KCNH8: variants seen among roughly 807,000 people sequenced by gnomAD.
KCNH8 encodes potassium voltage-gated channel subfamily H member 8.
A neutral mutation model predicts 103.6 loss-of-function variants in KCNH8; 70 were observed. The observed-to-expected ratio is 0.68, with a 90% CI of 0.56 to 0.82. The LOEUF (loss-of-function observed/expected upper bound fraction) is 0.82. Ranked by LOEUF, KCNH8 falls within the 40% of genes least tolerant of loss-of-function variation. The probability of loss-of-function intolerance (pLI) is 0.00; values close to 1 mark genes in which losing one functional copy is unlikely to be tolerated. For synonymous variants in KCNH8, 498 were observed against 489.4 expected, an observed-to-expected ratio of 1.02 and a Z score of -0.23; for missense variants, 1,217 against 1,329.9, an observed-to-expected ratio of 0.92 and a Z score of 1.32.
chr3:19,404,493 C>T (rs1342919548), intron 7 of KCNH8, among the ~76,000 whole-genome samples: 3 of 151,900 alleles, frequency 2.0e-5, no homozygotes, highest in Admixed American at 6.6e-5. Flanking sequence ...GGATCTATGA[C>T]TTCAATCACT....
intron 1 of KCNH8, among the ~76,000 whole-genome samples, chr3:19,170,586 A>C (rs935627687): frequency 4.7e-4 from 60 of 128,920 alleles, no homozygotes; most frequent in African/African-American, 2.1e-3. Context: ...TGGGGCATCT[A>C]TATATATATA....
intron 3 of KCNH8, among the ~76,000 whole-genome samples, chr3:19,295,637 A>G (rs974337217): frequency 6.6e-6 from 1 of 152,146 alleles, no homozygotes; most frequent in Non-Finnish European, 1.5e-5. Flanking sequence ...AAAGGTCTAT[A>G]GGTAACTTTT....
chr3:19,394,996 G>T, intron 6 of KCNH8, 108 bp from the exon 7 acceptor site: 1 of 776,646 alleles, frequency 1.3e-6, no homozygotes, highest in Non-Finnish European at 2.2e-6. Context: ...ATAATAATAT[G>T]AAAATAATTA....
intron 5 of KCNH8, among the ~76,000 whole-genome samples, chr3:19,372,457 G>A (rs988582050): frequency 6.6e-6 from 1 of 150,946 alleles, no homozygotes; most frequent in Non-Finnish European, 1.5e-5. Flanking sequence ...TTTGTACATT[G>A]ATTTTGTATC....
intron 8 of KCNH8, among the ~76,000 whole-genome samples, chr3:19,442,173 A>G (rs1175660286): frequency 6.6e-6 from 1 of 152,186 alleles, no homozygotes; most frequent in African/African-American, 2.4e-5. Context: ...GAAGAGCTAC[A>G]ATGTGCCAGG....
chr3:19,396,104 A>T (rs934558640), intron 7 of KCNH8, among the ~76,000 whole-genome samples: 1 of 151,606 alleles, frequency 6.6e-6, no homozygotes, highest in African/African-American at 2.4e-5. Flanking sequence ...CTTATGTAGA[A>T]TTTTTTTTTA....
intron 8 of KCNH8, among the ~76,000 whole-genome samples, chr3:19,445,536 T>TG (rs540319356): frequency 9.9e-4 from 150 of 152,092 alleles, no homozygotes; most frequent in African/African-American, 3.4e-3. Context: ...CTAAAAATAA[T>TG]ATATCAAGCA....
At chr3:19,203,127 T>C (rs2063680515) in intron 1 of KCNH8, among the ~76,000 whole-genome samples, 1 of 152,136 alleles carries the variant, frequency 6.6e-6, no homozygotes, top group South Asian at 2.1e-4. Flanking sequence ...AATGGATCAT[T>C]ACAAAAGGAG....
At chr3:19,324,864 G>C (rs1167827203) in intron 3 of KCNH8, among the ~76,000 whole-genome samples, 1 of 152,026 alleles carries the variant, frequency 6.6e-6, no homozygotes. Context: ...AACCAAAAAA[G>C]GGCCCAAACA....
chr3:19,192,564 G>C (rs189104704), intron 1 of KCNH8, among the ~76,000 whole-genome samples: 1 of 151,722 alleles, frequency 6.6e-6, no homozygotes, highest in East Asian at 1.9e-4. Flanking sequence ...CATATTACCA[G>C]TGCTCTTTTG....
intron 3 of KCNH8, among the ~76,000 whole-genome samples, chr3:19,299,087 G>T (rs1030600861): frequency 6.6e-6 from 1 of 152,238 alleles, no homozygotes; most frequent in East Asian, 1.9e-4. Context: ...ACAACTGAAA[G>T]GTGACACTGA....
At chr3:19,504,448 A>G (rs1167980578) in intron 11 of KCNH8, among the ~76,000 whole-genome samples, 1 of 152,190 alleles carries the variant, frequency 6.6e-6, no homozygotes, top group Non-Finnish European at 1.5e-5. Context: ...AAGGTCTAAT[A>G]TTCAGCATCC....
rs1006610672 is a variant in KCNH8 at position 19,320,960 on chromosome 3, T to C, written c.443-21627T>C. Among the ~76,000 whole-genome samples, 4 of 152,082 alleles carry C rather than the reference T, an allele frequency of 2.6e-5. No individual in the cohort carries two copies. In the South Asian group the frequency reaches 8.3e-4, roughly 32 times the overall value. On this transcript the variant is annotated intron_variant, in intron 3 of 15. Transcript: ENST00000328405. ...TTCATCTCCTCCAGGTTTTCTAGTT[T>C]ATGCACGTAAAAAAGGTATTCATAG... is the stretch of plus-strand genomic sequence containing the variant.
At chr3:19,388,558 TATTA>T (rs1354696434) in intron 5 of KCNH8, among the ~76,000 whole-genome samples, 1 of 152,164 alleles carries the variant, frequency 6.6e-6, no homozygotes, top group Non-Finnish European at 1.5e-5. Context: ...GTGAGTGCTT[TATTA>T]ATTAGCTTCA....
intron 2 of KCNH8, among the ~76,000 whole-genome samples, chr3:19,278,036 C>G (rs2064699747): frequency 6.6e-6 from 1 of 152,116 alleles, no homozygotes; most frequent in South Asian, 2.1e-4. Context: ...TTGCTCTTGA[C>G]TGAAAGAGTT....
intron 3 of KCNH8, among the ~76,000 whole-genome samples, chr3:19,299,337 T>C (rs567195205): frequency 3.7e-4 from 55 of 150,192 alleles, no homozygotes; most frequent in Non-Finnish European, 7.1e-4. Flanking sequence ...CTCCTCAAAA[T>C]GTCCATTCTA....
In KCNH8 at chr3:19,253,768, G is replaced by A; in HGVS notation, c.191G>A (p.Ser64Asn). The change falls in exon 2 of 16, where the codon AGT becomes AAT. Residue 64 changes from serine (S) to asparagine (N), a missense_variant. Coordinates refer to ENST00000328405, the MANE Select transcript of KCNH8 (RefSeq NM_144633.3). ...GFARTEVMQK[S>N]CSCKFLFGVE... ...GCCCGAACTGAAGTCATGCAGAAGA[G>A]TTGTAGCTGCAAGTTCTTATTTGGG... 1 of 1,613,876 alleles carries A rather than the reference G, an allele frequency of 6.2e-7. No individual in the cohort carries two copies. The highest frequency in any genetic ancestry group is 1.1e-5 in the South Asian group (1 of 91,086).
intron 11 of KCNH8, among the ~76,000 whole-genome samples, chr3:19,489,441 C>A (rs554101086): frequency 5.3e-5 from 8 of 152,018 alleles, no homozygotes; most frequent in Admixed American, 2.0e-4. Context: ...TATGTATATA[C>A]GGGAATTGAT....
intron 1 of KCNH8, among the ~76,000 whole-genome samples, chr3:19,225,259 G>A (rs1253757414): frequency 6.6e-6 from 1 of 151,654 alleles, no homozygotes; most frequent in Non-Finnish European, 1.5e-5. Context: ...TATTATGGAA[G>A]GGTCCATAAA....
Sources: allele counts gnomAD v4.1 joint callset (sites outside exome capture counted in the v4.1 genomes callset), GRCh38; gene constraint gnomAD v4.1.1; transcripts MANE v1.5; gene names NCBI Gene and HGNC (gene_info 2026-07-23, HGNC 2026-07-21).